The following PLD3 variants were observed in gnomAD, a reference collection of about 807,000 sequenced individuals.
The protein encoded by PLD3 is 5'-3' exonuclease PLD3.
A neutral mutation model predicts 58.4 loss-of-function variants in PLD3; 31 were observed. That is an observed-to-expected ratio of 0.53 (90% CI 0.40 to 0.72). The LOEUF is 0.72. Ranked by LOEUF, PLD3 falls within the 30% of genes least tolerant of loss-of-function variation. PLD3 has a pLI of 0.00. For synonymous variants in PLD3, 264 were observed against 273.4 expected, an observed-to-expected ratio of 0.97 and a Z score of 0.34; for missense variants, 595 against 659.8, an observed-to-expected ratio of 0.90 and a Z score of 1.08.
chr19:40,360,103 G>T, intron 1 of PLD3: 1 of 152,368 alleles, frequency 6.6e-6, no homozygotes, highest in Non-Finnish European at 1.5e-5. Flanking sequence ...GTGTCTCCCT[G>T]TCTTGCCCAA....
intron 1 of PLD3, among the ~76,000 whole-genome samples, chr19:40,350,032 G>A (rs542987043): frequency 1.3e-4 from 19 of 150,266 alleles, no homozygotes; most frequent in South Asian, 8.4e-4. Flanking sequence ...AGGCCGAGGC[G>A]GGCGGATCAC....
intron 1 of PLD3, among the ~76,000 whole-genome samples, chr19:40,350,076 C>T (rs1239240787): frequency 6.6e-6 from 1 of 151,162 alleles, no homozygotes; most frequent in African/African-American, 2.4e-5. Flanking sequence ...GCCTGACCAA[C>T]ATGGAGAAAC....
At chr19:40,376,456 T>C (rs2079203711) in intron 10 of PLD3, 153 bp from the exon 11 acceptor site, 4 of 673,272 alleles carry the variant, frequency 5.9e-6, no homozygotes, top group Admixed American at 2.5e-5. Flanking sequence ...GTGGGATTTA[T>C]GGAGACAGGA....
chr19:40,367,794 G>C lies in PLD3; in HGVS notation c.344G>C (p.Gly115Ala). The C allele has an allele frequency of 6.2e-7, 1 of 1,611,322 alleles. No individual in the cohort carries two copies. The highest frequency in any genetic ancestry group is 8.5e-7 in the Non-Finnish European group (1 of 1,179,040). ...CAGGCCTGGCTGGGCCTGCTCGCCG[G>C]TGCGCACAGCAGCCTGGACATCGCC... is the stretch of plus-strand genomic sequence containing the variant. ...TSQAWLGLLA[G>A]AHSSLDIASF... The change falls in exon 6 of 13, where the codon GGT becomes GCT. Residue 115 changes from glycine (G) to alanine (A), a missense_variant. By Grantham distance (60) the Gly-to-Ala change is moderately conservative (BLOSUM62 0). Coordinates refer to ENST00000409735, the MANE Select transcript of PLD3 (RefSeq NM_012268.4).
intron 5 of PLD3, 180 bp downstream of exon 5, chr19:40,367,095 C>A: frequency 1.6e-6 from 1 of 624,632 alleles, no homozygotes; most frequent in Non-Finnish European, 2.7e-6. Context: ...CTATGGCAGC[C>A]ACAGCGTCAT....
chr19:40,359,714 T>A (rs1369308942), intron 1 of PLD3: 4 of 152,112 alleles, frequency 2.6e-5, no homozygotes, highest in Non-Finnish European at 5.9e-5. Flanking sequence ...AGACCTACAA[T>A]GAAAAGCAAC....
chr19:40,354,105 GCT>G (rs1447691313), intron 1 of PLD3, among the ~76,000 whole-genome samples: 10 of 125,830 alleles, frequency 7.9e-5, no homozygotes, highest in African/African-American at 2.8e-4. Context: ...ACAGAGTCTC[GCT>G]CTGTTGCCCA....
intron 11 of PLD3, among the ~76,000 whole-genome samples, chr19:40,377,280 T>A (rs1392082560): frequency 5.2e-5 from 1 of 19,342 alleles, no homozygotes; most frequent in South Asian, 2.2e-3. Flanking sequence ...GGTAGAGGGG[T>A]CGGGGCTGGG....
intron 1 of PLD3, among the ~76,000 whole-genome samples, chr19:40,349,483 C>T (rs1444481212): frequency 6.6e-6 from 1 of 152,144 alleles, no homozygotes; most frequent in Non-Finnish European, 1.5e-5. Context: ...GTGTCAGAAT[C>T]CCAGCCCCAC....
chr19:40,359,948 C>T (rs946872178), intron 1 of PLD3: 9 of 152,160 alleles, frequency 5.9e-5, no homozygotes, highest in Non-Finnish European at 1.3e-4. Flanking sequence ...CACCCCCAAC[C>T]TTAGCCTCCC....
intron 1 of PLD3, among the ~76,000 whole-genome samples, chr19:40,364,400 CT>C (rs1304079793): frequency 6.6e-6 from 1 of 151,800 alleles, no homozygotes; most frequent in South Asian, 2.1e-4. Context: ...TGCCTGTAAT[CT>C]CAGAACTTTG....
chr19:40,377,851 C>G lies in PLD3; in HGVS notation c.1251C>G (p.Asn417Lys). ...TCCCATATGCCCGTGTCAACCACAACAAGTACATGGTGACTGAACGCGCCA... is the reference window on the plus strand; with the variant it reads ...TCCCATATGCCCGTGTCAACCACAAGAAGTACATGGTGACTGAACGCGCCA... ...ARIPYARVNH[N>K]KYMVTERATY... The change falls in exon 12 of 13, where the codon AAC (asparagine) becomes AAG (lysine). Residue 417 changes from asparagine to lysine, a missense_variant. By Grantham distance (94) the Asn-to-Lys change is moderately conservative (BLOSUM62 0). Coordinates refer to ENST00000409735, the MANE Select transcript of PLD3 (RefSeq NM_012268.4). The G allele has an allele frequency of 6.2e-7, 1 of 1,614,002 alleles. No homozygotes were observed. The highest frequency in any genetic ancestry group is 8.5e-7 in the Non-Finnish European group (1 of 1,179,922).
intron 2 of PLD3, 177 bp from the exon 3 acceptor site, chr19:40,366,242 T>G: frequency 6.8e-6 from 4 of 584,312 alleles, no homozygotes; most frequent in East Asian, 6.0e-5. Flanking sequence ...GAGCGTTGGA[T>G]TTTGAGGGAT....
intron 5 of PLD3, 121 bp downstream of exon 5, chr19:40,367,036 C>A: frequency 8.4e-7 from 1 of 1,186,820 alleles, no homozygotes; most frequent in Non-Finnish European, 1.2e-6. Flanking sequence ...GAGGAGGTTG[C>A]AGGCTCCCAA....
chr19:40,361,001 G>A (rs1390624581), intron 1 of PLD3, among the ~76,000 whole-genome samples: 4 of 152,196 alleles, frequency 2.6e-5, no homozygotes, highest in African/African-American at 9.7e-5. Context: ...TCCAACTGAA[G>A]CCCAGCGAAG....
chr19:40,366,751 G>A (rs2078933673), intron 4 of PLD3, 22 bp from the exon 5 acceptor site: 1 of 1,613,860 alleles, frequency 6.2e-7, no homozygotes, highest in Non-Finnish European at 8.5e-7. Context: ...CGGGCTGGCT[G>A]ACCACCTCCT....
chr19:40,370,408 C>T, intron 8 of PLD3, 171 bp downstream of exon 8: 1 of 679,496 alleles, frequency 1.5e-6, no homozygotes, highest in South Asian at 1.9e-5. Context: ...CACGGTGGCT[C>T]ACACCTATAA....
chr19:40,365,005 C>G (rs991532525), intron 1 of PLD3, among the ~76,000 whole-genome samples: 1 of 152,108 alleles, frequency 6.6e-6, no homozygotes, highest in Non-Finnish European at 1.5e-5. Flanking sequence ...CAATAAAAAG[C>G]AATCTTGACC....
At chr19:40,355,263 C>G in intron 1 of PLD3, among the ~76,000 whole-genome samples, 1 of 152,022 alleles carries the variant, frequency 6.6e-6, no homozygotes, top group East Asian at 1.9e-4. Context: ...CACTCCCTCA[C>G]TCCCTTAGTA....
Sources: gnomAD v4.1 joint callset for allele counts (sites outside exome capture counted in the v4.1 genomes callset) on GRCh38, gnomAD v4.1.1 for gene constraint, MANE v1.5 for transcripts, NCBI Gene and HGNC (gene_info 2026-07-23, HGNC 2026-07-21) for gene names.